PTPRA: variants seen among roughly 807,000 people sequenced by gnomAD.
PTPRA encodes the protein protein tyrosine phosphatase receptor type A.
A neutral mutation model predicts 104.8 loss-of-function variants in PTPRA; 25 were observed. That is an observed-to-expected ratio of 0.24 (90% CI 0.17 to 0.33). The LOEUF (loss-of-function observed/expected upper bound fraction) is 0.33, where lower values mean the gene tolerates loss of function less well. Among genes scored for constraint, PTPRA ranks in the 10% least tolerant of loss-of-function variants. PTPRA has a pLI of 1.00. For synonymous variants in PTPRA, 323 were observed against 368.9 expected (o/e 0.88, Z 1.43); for missense variants, 765 against 1,015.3 (o/e 0.75, Z 3.35).
In PTPRA at chr20:2,981,939, C is replaced by T. The variant is rs554804911; in HGVS notation, c.443-4826C>T. Among the ~76,000 whole-genome samples the T allele has an allele frequency of 1.3e-3, 193 of 152,266 alleles. 1 individual carries two copies. Among genetic ancestry groups the T allele is most frequent in the African/African-American group, 4.4e-3 (183 of 41,544 alleles). ...TCTCAAAGATTCTGATCTACATATG[C>T]CACCGTTTGCTGCCTTTCAGATATG... On this transcript the variant is annotated intron_variant, in intron 6 of 23. Coordinates refer to ENST00000399903, the MANE Select transcript of PTPRA (RefSeq NM_001385305.1).
chr20:2,944,159 A>G (rs773356959), intron 2 of PTPRA, among the ~76,000 whole-genome samples: 76 of 151,158 alleles, frequency 5.0e-4, no homozygotes, highest in South Asian at 6.3e-4. Context: ...TCCTGTCTCA[A>G]CCTTCTGAGT....
upstream of PTPRA, among the ~76,000 whole-genome samples, chr20:2,868,618 C>G (rs1163699485): frequency 2.2e-5 from 1 of 45,158 alleles, no homozygotes; most frequent in Non-Finnish European, 3.9e-5. Context: ...TCATTCTGGG[C>G]TTTTTTTTTT....
intron 9 of PTPRA, among the ~76,000 whole-genome samples, chr20:2,994,238 C>G (rs1293930720): frequency 1.3e-5 from 2 of 152,160 alleles, no homozygotes; most frequent in African/African-American, 4.8e-5. Flanking sequence ...AGGGTTCCTC[C>G]TTACAGATGC....
chr20:2,924,937 C>A (rs2060239425), intron 2 of PTPRA, among the ~76,000 whole-genome samples: 1 of 152,150 alleles, frequency 6.6e-6, no homozygotes, highest in East Asian at 1.9e-4. Flanking sequence ...CCTCTGCCTC[C>A]CAAAGTGCTG....
chr20:3,021,912 C>A lies in PTPRA; in HGVS notation c.1162-142C>A. The A allele has an allele frequency of 3.7e-6, 4 of 1,068,176 alleles. No homozygotes were observed. The South Asian group carries it at 4.8e-5, about 13-fold the overall frequency. 66.2% of individuals were successfully genotyped at this position (1,068,176 alleles called of 1,614,324 possible). ...ACCCTGCCACTGACTAGTTGTGAGACCTTGTGTCTGTGGTTAACTAACTCC... is the reference window on the plus strand; with the variant it reads ...ACCCTGCCACTGACTAGTTGTGAGAACTTGTGTCTGTGGTTAACTAACTCC... On this transcript the variant is annotated intron_variant, in intron 14 of 23. Coordinates refer to ENST00000399903, the MANE Select transcript of PTPRA (RefSeq NM_001385305.1).
chr20:2,881,268 G>A (rs1237704016), intron 1 of PTPRA, among the ~76,000 whole-genome samples: 1 of 150,126 alleles, frequency 6.7e-6, no homozygotes. Flanking sequence ...CCGAGATCTC[G>A]CCACTGCACT....
upstream of PTPRA, among the ~76,000 whole-genome samples, chr20:2,871,349 C>T (rs141735484): frequency 0.011 from 1,613 of 152,208 alleles, 34 homozygotes; most frequent in African/African-American, 0.036. Context: ...AAACCCCGGG[C>T]TCTTTGACTA....
At chr20:2,971,331 G>GT (rs1336357812) in intron 5 of PTPRA, among the ~76,000 whole-genome samples, 1 of 151,812 alleles carries the variant, frequency 6.6e-6, no homozygotes, top group Non-Finnish European at 1.5e-5. Flanking sequence ...TAAATCTTCT[G>GT]TTTTTGTAAT....
At chr20:3,034,307 C>G (rs1600292581) in intron 20 of PTPRA, among the ~76,000 whole-genome samples, 2 of 152,232 alleles carry the variant, frequency 1.3e-5, no homozygotes, top group African/African-American at 4.8e-5. Flanking sequence ...GTGTTGATAC[C>G]TAGTCCCTAG....
At chr20:3,001,066 G>C (rs1253578346) in intron 9 of PTPRA, among the ~76,000 whole-genome samples, 1 of 152,148 alleles carries the variant, frequency 6.6e-6, no homozygotes, top group Admixed American at 6.5e-5. Flanking sequence ...TCCAGTTAAG[G>C]CTTAAACAAG....
intron 1 of PTPRA, among the ~76,000 whole-genome samples, chr20:2,895,359 C>T (rs2058958082): frequency 6.6e-6 from 1 of 151,998 alleles, no homozygotes; most frequent in Admixed American, 6.6e-5. Context: ...GCTGGGATTA[C>T]AGGTGTGAGC....
At chr20:3,036,035 A>G in intron 22 of PTPRA, 94 bp downstream of exon 22, 1 of 1,577,838 alleles carries the variant, frequency 6.3e-7, no homozygotes, top group Non-Finnish European at 8.6e-7. Context: ...AGAAAGCCAT[A>G]CAAGAGCAAG....
chr20:3,015,303 C>CTTTTTTTTTTTTTT (rs778457233), intron 11 of PTPRA, among the ~76,000 whole-genome samples: 2 of 134,652 alleles, frequency 1.5e-5, no homozygotes, highest in African/African-American at 2.8e-5. Flanking sequence ...CTTTCTTTTT[C>CTTTTTTTTTTTTTT]TTTTTTTTTT....
At chr20:2,902,005 C>A (rs2059256490) in intron 1 of PTPRA, among the ~76,000 whole-genome samples, 1 of 151,986 alleles carries the variant, frequency 6.6e-6, no homozygotes, top group South Asian at 2.1e-4. Context: ...CCTGCCTCAG[C>A]CTCCCGAGAA....
chr20:2,866,222 A>C, the PTPRA span: 2 of 1,614,100 alleles, frequency 1.2e-6, no homozygotes, highest in South Asian at 2.2e-5. Flanking sequence ...CCTTTTGTGG[A>C]GATCTGCATG....
intron 1 of PTPRA, among the ~76,000 whole-genome samples, chr20:2,875,517 A>C (rs2089663696): frequency 6.6e-6 from 1 of 152,162 alleles, no homozygotes; most frequent in African/African-American, 2.4e-5. Context: ...TGCCAGGTGA[A>C]TTGCTTGGGA....
intron 3 of PTPRA, among the ~76,000 whole-genome samples, chr20:2,959,296 T>A (rs2061660384): frequency 6.6e-6 from 1 of 152,218 alleles, no homozygotes; most frequent in Non-Finnish European, 1.5e-5. Flanking sequence ...GGCTAATTGT[T>A]ACTCCCACCA....
intron 1 of PTPRA, among the ~76,000 whole-genome samples, chr20:2,919,665 G>A (rs957182322): frequency 9.6e-6 from 1 of 103,800 alleles, no homozygotes; most frequent in African/African-American, 6.3e-5. Context: ...AGCTGGGGGA[G>A]GCCATAAACA....
intron 10 of PTPRA, 60 bp from the exon 11 acceptor site, chr20:3,007,284 G>T: frequency 6.6e-7 from 1 of 1,519,614 alleles, no homozygotes; most frequent in South Asian, 1.1e-5. Flanking sequence ...TCCTGGTTGC[G>T]TCAGGTTCTG....
Sources: allele counts gnomAD v4.1 joint callset (sites outside exome capture counted in the v4.1 genomes callset), GRCh38; gene constraint gnomAD v4.1.1; transcripts MANE v1.5; gene names NCBI Gene and HGNC (gene_info 2026-07-23, HGNC 2026-07-21).